Variants in ZNF536 observed in about 807,000 individuals in gnomAD.
ZNF536 encodes zinc finger protein 536.
ZNF536 carries 13 observed loss-of-function variants against 84.5 expected under a neutral mutation model. That is an observed-to-expected ratio of 0.15 (90% CI 0.10 to 0.24). ZNF536 has a LOEUF of 0.24. Among genes scored for constraint, ZNF536 ranks in the 10% least tolerant of loss-of-function variants. The pLI is 1.00. For missense variants in ZNF536, 1,536 were observed against 1,747.5 expected (o/e 0.88, Z 2.16); for synonymous variants, 811 against 742.5 (o/e 1.09, Z -1.50).
At chr19:30,415,589 G>GTCA (rs1291938365) in intron 1 of ZNF536, among the ~76,000 whole-genome samples, 2 of 123,216 alleles carry the variant, frequency 1.6e-5, no homozygotes, top group Admixed American at 1.0e-4. Flanking sequence ...CATCATCATC[G>GTCA]TCATCGTCAT....
chr19:30,241,445 C>A, intron 1 of ZNF536, among the ~76,000 whole-genome samples: 1 of 152,190 alleles, frequency 6.6e-6, no homozygotes, highest in East Asian at 1.9e-4. Flanking sequence ...GCTGTAATGT[C>A]ACACCAGTCG....
At chr19:30,399,686 T>TG (rs1382768747) in intron 1 of ZNF536, among the ~76,000 whole-genome samples, 1 of 149,946 alleles carries the variant, frequency 6.7e-6, no homozygotes, top group African/African-American at 2.4e-5. Flanking sequence ...AATGTTTTTT[T>TG]TTTTTTTTTT....
intron 2 of ZNF536, among the ~76,000 whole-genome samples, chr19:30,523,763 A>C (rs2145762815): frequency 6.6e-6 from 1 of 152,214 alleles, no homozygotes; most frequent in East Asian, 1.9e-4. Context: ...CTGGAGTGCC[A>C]AGGGTCTCTG....
chr19:30,549,070 G>A lies in ZNF536; in HGVS notation c.3451G>A (p.Glu1151Lys), dbSNP rs752515373. 1.1e-5 allele frequency: 18 copies of A among 1,613,986 alleles called. No individual in the cohort carries two copies. The highest frequency in any genetic ancestry group is 6.7e-5 in the East Asian group (3 of 44,886). Residue 1151 changes from glutamate (E) to lysine (K), a missense_variant, in exon 4 of 5, where the codon GAA (glutamate) becomes AAA (lysine). Glu to Lys is a moderately conservative substitution (Grantham distance 56). Around this residue, in one of 8 missense-constraint regions of ZNF536, gnomAD observed 624 missense variants for 603.1 expected, o/e 1.03. Transcript: ENST00000355537. ...SEEDVPILIP[E>K]TTSKNTTDDL... ...AGAGGATGTCCCCATCCTGATCCCC[G>A]AAACCACGAGTAAGAACACTACTGA...
intron 1 of ZNF536, among the ~76,000 whole-genome samples, chr19:30,650,683 A>G (rs906614674): frequency 3.3e-5 from 5 of 152,186 alleles, no homozygotes; most frequent in Non-Finnish European, 7.3e-5. Flanking sequence ...ACACTGTTTC[A>G]TCTTAAAAAA....
At chr19:30,601,970 C>G (rs962665204) in intron 1 of ZNF536, among the ~76,000 whole-genome samples, 1 of 152,204 alleles carries the variant, frequency 6.6e-6, no homozygotes, top group African/African-American at 2.4e-5. Flanking sequence ...TGAAAACGTC[C>G]TCTCCCCACA....
chr19:30,432,930 T>A (rs566383841), intron 1 of ZNF536, among the ~76,000 whole-genome samples: 3 of 152,108 alleles, frequency 2.0e-5, no homozygotes, highest in Admixed American at 6.5e-5. Context: ...AGGAACCTGG[T>A]AGAAGGATGG....
At chr19:30,539,234 G>C (rs947094157) in intron 3 of ZNF536, among the ~76,000 whole-genome samples, 4 of 152,126 alleles carry the variant, frequency 2.6e-5, no homozygotes, top group Non-Finnish European at 4.4e-5. Flanking sequence ...GGAGACTCAG[G>C]AGAGCTGATG....
chr19:30,477,806 T>C (rs2144768330), intron 2 of ZNF536, among the ~76,000 whole-genome samples: 1 of 152,356 alleles, frequency 6.6e-6, no homozygotes, highest in Non-Finnish European at 1.5e-5. Flanking sequence ...TATCACCTTC[T>C]AGAATAAAAA....
rs142775832 is a variant in ZNF536 at position 30,706,691 on chromosome 19, C to A, written c.170-4066C>A. Among the ~76,000 whole-genome samples the A allele has an allele frequency of 2.1e-3, 326 of 152,194 alleles. 3 individuals carry two copies. The highest frequency in any genetic ancestry group is 7.5e-3 in the African/African-American group (312 of 41,530). On this transcript the variant is annotated intron_variant, in intron 1 of 1. Coordinates refer to the ZNF536 transcript ENST00000592773. ...TGGTTTTATTTTTTATTTTTACTTA[C>A]TATTTGGAGTTCTTTACTCGAAAGA... is the stretch of plus-strand genomic sequence containing the variant.
At chr19:30,342,284 A>C (rs978101332) in intron 2 of ZNF536, among the ~76,000 whole-genome samples, 22 of 152,204 alleles carry the variant, frequency 1.4e-4, no homozygotes, top group African/African-American at 5.3e-4. Context: ...AAATTGCTGT[A>C]GTGCATTATT....
chr19:30,667,829 T>G (rs768514478), intron 1 of ZNF536, among the ~76,000 whole-genome samples: 19 of 152,014 alleles, frequency 1.2e-4, no homozygotes, highest in Non-Finnish European at 2.4e-4. Flanking sequence ...CAGCATGTCC[T>G]GAGTGCTTGC....
chr19:30,711,815 C>T (rs1193268679), exon 2 of ZNF536: 1 of 151,744 alleles, frequency 6.6e-6, no homozygotes, highest in Non-Finnish European at 1.5e-5. Context: ...AAGTAGGGTA[C>T]ATTATATAAA....
chr19:30,381,697 G>A (rs1002919623), intron 1 of ZNF536, among the ~76,000 whole-genome samples: 29 of 152,192 alleles, frequency 1.9e-4, no homozygotes, highest in African/African-American at 7.0e-4. Context: ...AAGGGCCATA[G>A]GAAGCCTCAA....
At chr19:30,354,389 A>G (rs1393740911) in intron 3 of ZNF536, among the ~76,000 whole-genome samples, 3 of 152,166 alleles carry the variant, frequency 2.0e-5, no homozygotes, top group Admixed American at 1.3e-4. Context: ...TTTCGTAGAG[A>G]TGGGGTCTTG....
intron 1 of ZNF536, among the ~76,000 whole-genome samples, chr19:30,656,930 C>T (rs1360222119): frequency 6.6e-6 from 1 of 152,148 alleles, no homozygotes; most frequent in Non-Finnish European, 1.5e-5. Flanking sequence ...CCTTTCTTTC[C>T]TTTAGTTATC....
intron 2 of ZNF536, among the ~76,000 whole-genome samples, chr19:30,518,253 C>T (rs73024813): frequency 0.097 from 14,696 of 152,210 alleles, 979 homozygotes; most frequent in Non-Finnish European, 0.15. Context: ...GCAGGAAGGG[C>T]CAAGCACTTA....
chr19:30,596,672 G>GA (rs111663221), intron 1 of ZNF536, among the ~76,000 whole-genome samples: 25 of 148,742 alleles, frequency 1.7e-4, no homozygotes, highest in African/African-American at 3.2e-4. Context: ...TGCAAAAAGG[G>GA]AAAAAAAAAA....
At position 30,497,661 on chromosome 19, in the gene ZNF536, C is replaced by T. The variant is rs371134100; in HGVS notation, c.2171-37186C>T. Among the ~76,000 whole-genome samples the T allele has an allele frequency of 1.2e-4, 19 of 152,252 alleles. 1 individual carries two copies. Among genetic ancestry groups the T allele is most frequent in the South Asian group, 1.0e-3 (5 of 4,814 alleles). ...CAAGGGGGTGCCCCAGGGAAGTCCC[C>T]GGATCCTGAATTCTTCGGAACTGTT... On this transcript the variant is annotated intron_variant, in intron 2 of 4. Transcript: ENST00000355537.
Sources: gnomAD v4.1 joint callset for allele counts (sites outside exome capture counted in the v4.1 genomes callset) on GRCh38, gnomAD v4.1.1 for gene constraint, gnomAD v4.1.1 regional missense constraint, MANE v1.5 for transcripts, NCBI Gene and HGNC (gene_info 2026-07-23, HGNC 2026-07-21) for gene names.